Variants in MCF2L observed in about 807,000 individuals in gnomAD.
The protein encoded by MCF2L is MCF.2 cell line derived transforming sequence like.
MCF2L carries 97 observed loss-of-function variants against 153.4 expected under a neutral mutation model. That is an observed-to-expected ratio of 0.63 (90% CI 0.54 to 0.75). MCF2L has a LOEUF of 0.75. Among genes scored for constraint, MCF2L ranks in the 30% least tolerant of loss-of-function variants. The pLI is 0.00. For synonymous variants in MCF2L, 659 were observed against 632.2 expected, an observed-to-expected ratio of 1.04 and a Z score of -0.64; for missense variants, 1,347 against 1,495.2, an observed-to-expected ratio of 0.90 and a Z score of 1.64.
chr13:113,033,162 C>T (rs1365093716), intron 3 of MCF2L, among the ~76,000 whole-genome samples: 8 of 136,364 alleles, frequency 5.9e-5, no homozygotes, highest in East Asian at 2.3e-4. Context: ...GACCCCGTGG[C>T]GTGAGTGGCC....
upstream of MCF2L, chr13:112,965,420 G>C (rs970819362): frequency 2.0e-5 from 3 of 152,236 alleles, no homozygotes; most frequent in Non-Finnish European, 2.9e-5. Context: ...AGCCAGCCCT[G>C]GTTGTCCGGA....
chr13:113,025,323 T>C (rs2085182038), intron 3 of MCF2L, among the ~76,000 whole-genome samples: 1 of 80,576 alleles, frequency 1.2e-5, no homozygotes, highest in African/African-American at 5.1e-5. Flanking sequence ...GGGGTCCCCG[T>C]GACTGTGGGT....
In MCF2L at chr13:113,041,439, G is replaced by A. The variant is rs1341087680; in HGVS notation, c.279-3832G>A. Among the ~76,000 whole-genome samples, 6 of 151,112 alleles carry A rather than the reference G, an allele frequency of 4.0e-5. No individual in the cohort carries two copies. In the South Asian group the frequency reaches 6.2e-4, roughly 16 times the overall value. ...GGCCCTGCCCTCATGACCACAGTCA[G>A]TATGGGGGATCATGTGGCCCTGCCC... is the stretch of plus-strand genomic sequence containing the variant. On this transcript the variant is annotated intron_variant, in intron 3 of 29. Coordinates refer to ENST00000535094, the MANE Select transcript of MCF2L (RefSeq NM_001112732.3).
intron 2 of MCF2L, among the ~76,000 whole-genome samples, chr13:113,021,038 A>G (rs2084850953): frequency 7.1e-6 from 1 of 141,698 alleles, no homozygotes; most frequent in Non-Finnish European, 1.6e-5. Context: ...ATGTGCGTGT[A>G]GCTGTGTGTG....
intron 1 of MCF2L, among the ~76,000 whole-genome samples, chr13:113,014,186 G>C (rs1035092516): frequency 3.3e-5 from 5 of 152,230 alleles, no homozygotes; most frequent in Non-Finnish European, 4.4e-5. Flanking sequence ...CTGGGTGGGG[G>C]GATGGGTGTG....
At chr13:112,901,635 A>C (rs1218836552) in intron 1 of MCF2L, among the ~76,000 whole-genome samples, 1 of 152,224 alleles carries the variant, frequency 6.6e-6, no homozygotes, top group Non-Finnish European at 1.5e-5. Context: ...TTGGAAATGC[A>C]GCTACTAGTT....
chr13:113,005,703 A>G (rs1252499547), intron 1 of MCF2L, among the ~76,000 whole-genome samples: 1 of 151,152 alleles, frequency 6.6e-6, no homozygotes, highest in African/African-American at 2.4e-5. Flanking sequence ...TTTGTACCTG[A>G]GGTTTGCTGG....
chr13:113,016,189 A>C (rs2084503078), intron 2 of MCF2L, among the ~76,000 whole-genome samples: 1 of 152,194 alleles, frequency 6.6e-6, no homozygotes, highest in African/African-American at 2.4e-5. Flanking sequence ...AAATCAGCTA[A>C]CTTTAAGATC....
chr13:113,008,128 G>T (rs1299126511), intron 1 of MCF2L, among the ~76,000 whole-genome samples: 3 of 152,138 alleles, frequency 2.0e-5, no homozygotes, highest in Admixed American at 2.0e-4. Flanking sequence ...TGTTGACCAG[G>T]CTGGTCTTGA....
rs528838840 is a variant in MCF2L, at chr13:113,033,299, C to G, written c.278+8541C>G. On this transcript the variant is annotated intron_variant, in intron 3 of 29. Coordinates refer to ENST00000535094, the MANE Select transcript of MCF2L (RefSeq NM_001112732.3). ...AGTGGCCCCTGTGACATTAGTGGAC[C>G]CCGTGGCGTGAGTGGCCCCTGTGGC... Among the ~76,000 whole-genome samples the G allele has an allele frequency of 7.3e-4, 89 of 121,676 alleles. 8 individuals carry two copies. Among genetic ancestry groups the G allele is most frequent in the African/African-American group, 2.9e-3 (88 of 30,098 alleles). The allele number at this position is 121,676 out of a possible 152,430, so 79.8% of individuals were successfully genotyped here.
At chr13:112,926,743 A>T (rs1381203009) in intron 2 of MCF2L, among the ~76,000 whole-genome samples, 1 of 151,578 alleles carries the variant, frequency 6.6e-6, no homozygotes, top group African/African-American at 2.4e-5. Context: ...TCTCACTTAC[A>T]TGTGTACTCG....
intron 1 of MCF2L, among the ~76,000 whole-genome samples, chr13:112,895,261 G>T (rs1178634761): frequency 6.6e-6 from 1 of 152,154 alleles, no homozygotes; most frequent in African/African-American, 2.4e-5. Context: ...CCGCCCAGGG[G>T]CGTGGCCCGC....
At chr13:113,003,435 G>A (rs2083496102) in intron 1 of MCF2L, among the ~76,000 whole-genome samples, 1 of 151,912 alleles carries the variant, frequency 6.6e-6, no homozygotes, top group African/African-American at 2.4e-5. Flanking sequence ...GGTTGAGTAG[G>A]GGCAGGTGGC....
chr13:113,004,794 G>A (rs4907479), intron 1 of MCF2L, among the ~76,000 whole-genome samples: 36,185 of 152,186 alleles, frequency 0.24, 4,445 homozygotes, highest in East Asian at 0.32. Flanking sequence ...CGGACCACGC[G>A]TGTGTTCAGA....
At chr13:113,037,914 G>A (rs532644343) in intron 3 of MCF2L, among the ~76,000 whole-genome samples, 1 of 152,324 alleles carries the variant, frequency 6.6e-6, no homozygotes, top group South Asian at 2.1e-4. Context: ...ATGTGGTTGT[G>A]TATGAAGAAA....
At chr13:112,916,042 C>CAA (rs68161667) in intron 2 of MCF2L, among the ~76,000 whole-genome samples, 145 of 130,582 alleles carry the variant, frequency 1.1e-3, no homozygotes, top group South Asian at 3.6e-3. Context: ...ACTAAAAATA[C>CAA]AAAAAAAAAA....
chr13:113,025,762 G>C (rs1171471281), intron 3 of MCF2L, among the ~76,000 whole-genome samples: 1 of 146,192 alleles, frequency 6.8e-6, no homozygotes, highest in Non-Finnish European at 1.5e-5. Context: ...CTGCAACTAT[G>C]GGATGAGGCA....
In MCF2L at chr13:113,045,727, T is replaced by C. The variant is rs892310241; in HGVS notation, c.369+366T>C. ...CCTTTCCAAATCGGGCCATCTATCT[T>C]TAGCTGTGACACTGAACGAGCCACC... On this transcript the variant is annotated intron_variant, in intron 4 of 29. Transcript: ENST00000535094. The surrounding 1 kb of genome is among the most constrained non-coding windows in gnomAD (Gnocchi z 4.2). 1.1e-5 allele frequency: 3 copies of C among 273,926 alleles called. No homozygotes were observed. Among genetic ancestry groups the C allele is most frequent in the Non-Finnish European group, 2.1e-5 (3 of 139,626 alleles). 17.0% of individuals were successfully genotyped at this position (273,926 alleles called of 1,614,324 possible).
chr13:112,915,410 C>CAAAAAAAAAAAAAAAAAAGAAAA (rs779274453), intron 2 of MCF2L, among the ~76,000 whole-genome samples: 1 of 86,924 alleles, frequency 1.2e-5, no homozygotes, highest in Non-Finnish European at 2.1e-5. Context: ...CTCTGTCTCA[C>CAAAAAAAAAAAAAAAAAAGAAAA]AAAAAAAAAA....
Sources: gnomAD v4.1 joint callset for allele counts (sites outside exome capture counted in the v4.1 genomes callset) on GRCh38, gnomAD v4.1.1 for gene constraint, Gnocchi (gnomAD v3.1) non-coding constraint, MANE v1.5 for transcripts, NCBI Gene and HGNC (gene_info 2026-07-23, HGNC 2026-07-21) for gene names.